RAB37: variants seen among roughly 807,000 people sequenced by gnomAD.
RAB37 encodes ras-related protein Rab-37.
A neutral mutation model predicts 33.1 loss-of-function variants in RAB37; 29 were observed. That is an observed-to-expected ratio of 0.88 (90% CI 0.65 to 1.20). The LOEUF (loss-of-function observed/expected upper bound fraction) is 1.20, where lower values mean the gene tolerates loss of function less well. Among genes scored for constraint, RAB37 ranks in the 50% most tolerant of loss-of-function variants. RAB37 has a pLI of 0.00. For missense variants in RAB37, 299 were observed against 301.1 expected (o/e 0.99, Z 0.05); for synonymous variants, 128 against 119.5 (o/e 1.07, Z -0.47).
At chr17:74,736,544 C>T (rs2034477224), upstream of RAB37, 2 of 1,467,934 alleles carry the variant, frequency 1.4e-6, no homozygotes, top group East Asian at 5.0e-5. Context: ...ATAAGGCCGG[C>T]CCCGCCTTCA....
intron 1 of RAB37, among the ~76,000 whole-genome samples, chr17:74,714,535 C>T (rs1243950333): frequency 6.6e-6 from 1 of 152,132 alleles, no homozygotes; most frequent in Non-Finnish European, 1.5e-5. Flanking sequence ...GAAGCTCCTA[C>T]TGCTGTACCC....
intron 1 of RAB37, among the ~76,000 whole-genome samples, chr17:74,722,992 C>T (rs1414755106): frequency 6.6e-6 from 1 of 152,200 alleles, no homozygotes; most frequent in Non-Finnish European, 1.5e-5. Flanking sequence ...ACTTAGACAG[C>T]ATTAGCCTGG....
chr17:74,728,186 GTC>G (rs1222193862), intron 1 of RAB37, among the ~76,000 whole-genome samples: 1 of 151,748 alleles, frequency 6.6e-6, no homozygotes, highest in East Asian at 1.9e-4. Flanking sequence ...GTATATGCAT[GTC>G]TGTGCGAATG....
rs113676367 is a variant in RAB37, at chr17:74,720,867, G to A, written c.73-8389G>A. Among the ~76,000 whole-genome samples, 324 of 152,238 alleles carry A rather than the reference G, an allele frequency of 2.1e-3. 1 individual carries two copies. The highest frequency in any genetic ancestry group is 0.01 in the Middle Eastern group (3 of 294). On this transcript the variant is annotated intron_variant, in intron 1 of 7. Coordinates refer to the RAB37 transcript ENST00000340415. ...GATGAATGCGGAGATTTTATTAAGC[G>A]GTGGAAGTGGCTCTCAGTGGAAGGG...
intron 1 of RAB37, chr17:74,703,260 G>C: frequency 1.3e-6 from 1 of 750,324 alleles, no homozygotes; most frequent in Non-Finnish European, 2.2e-6. Flanking sequence ...ACTATGGGAA[G>C]GGGCTGCAGC....
chr17:74,720,391 C>T (rs149790626), intron 1 of RAB37, among the ~76,000 whole-genome samples: 1,949 of 152,088 alleles, frequency 0.013, 20 homozygotes, highest in South Asian at 0.022. Flanking sequence ...TCAAGACCAA[C>T]GTGGCCAACA....
At chr17:74,692,352 G>C (rs1335503926) in intron 1 of RAB37, among the ~76,000 whole-genome samples, 1 of 151,892 alleles carries the variant, frequency 6.6e-6, no homozygotes, top group Non-Finnish European at 1.5e-5. Context: ...GCTTGCTTGG[G>C]CTCCATGAAG....
chr17:74,694,934 G>A, intron 1 of RAB37: 2 of 683,252 alleles, frequency 2.9e-6, no homozygotes, highest in Non-Finnish European at 4.7e-6. Flanking sequence ...AGCCCCCTGA[G>A]ACTTGGCCCC....
At chr17:74,700,794 G>C (rs991281390) in intron 1 of RAB37, among the ~76,000 whole-genome samples, 1 of 152,064 alleles carries the variant, frequency 6.6e-6, no homozygotes, top group Non-Finnish European at 1.5e-5. Context: ...GGCTGGGCTG[G>C]ATTGTACACC....
rs2031704787 is a variant in RAB37 at position 74,671,528 on chromosome 17, T to C, written c.-59T>C. On this transcript the variant is annotated 5_prime_UTR_variant, in exon 1 of 8. Transcript: ENST00000340415. The surrounding 1 kb of genome is among the most constrained non-coding windows in gnomAD (Gnocchi z 5.0). ...GCACCCAGCGGAGCTCGAACCGAGC[T>C]CCTGGAAGCGCTGACGCAGAGCGCA... 8 of 1,559,176 alleles carry C rather than the reference T, an allele frequency of 5.1e-6. No homozygotes were observed. Among genetic ancestry groups the C allele is most frequent in the Non-Finnish European group, 7.1e-6 (8 of 1,132,506 alleles).
At chr17:74,731,438 T>A (rs1428926934) in intron 2 of RAB37, among the ~76,000 whole-genome samples, 1 of 152,170 alleles carries the variant, frequency 6.6e-6, no homozygotes, top group East Asian at 1.9e-4. Flanking sequence ...CCTTCACCCA[T>A]AAACTACCAG....
intron 1 of RAB37, chr17:74,696,250 G>T (rs1348265780): frequency 1.3e-6 from 2 of 1,594,476 alleles, no homozygotes; most frequent in Non-Finnish European, 1.7e-6. Context: ...GAATTAGAAA[G>T]CCCATTCCCC....
At position 74,738,320 on chromosome 17, in the gene RAB37, C is replaced by G. The variant is rs145605449; in HGVS notation, c.93+955C>G. On this transcript the variant is annotated intron_variant, in intron 1 of 8. Transcript: ENST00000392613. The surrounding 1 kb of genome is among the most constrained non-coding windows in gnomAD (Gnocchi z 5.0). ...AGCCTCAGCCTCCACCCCAGTGTTT[C>G]GGGGGAAGCCACCCTGCAAGTCATC... Among the ~76,000 whole-genome samples, 106 of 152,268 alleles carry G rather than the reference C, an allele frequency of 7.0e-4. No individual in the cohort carries two copies. The highest frequency in any genetic ancestry group is 2.5e-3 in the African/African-American group (104 of 41,558).
At chr17:74,704,994 A>G (rs2033391760) in intron 1 of RAB37, among the ~76,000 whole-genome samples, 1 of 152,236 alleles carries the variant, frequency 6.6e-6, no homozygotes, top group Non-Finnish European at 1.5e-5. Flanking sequence ...CAAAGCCACC[A>G]GGAAAATCAC....
intron 1 of RAB37, chr17:74,695,829 A>G (rs1175100272): frequency 6.2e-7 from 1 of 1,614,062 alleles, no homozygotes; most frequent in Admixed American, 1.7e-5. Flanking sequence ...AGGTCTGCAT[A>G]GCAGAGGTCG....
intron 1 of RAB37, among the ~76,000 whole-genome samples, chr17:74,723,586 T>C (rs2034269020): frequency 1.3e-5 from 2 of 150,078 alleles, no homozygotes; most frequent in Admixed American, 1.3e-4. Context: ...TTTTTTTTTT[T>C]TTTTTTTTTT....
In RAB37 at chr17:74,742,341, C is replaced by A; in HGVS notation, c.246+46C>A. Reference sequence around the variant, plus strand: ...TGGGGAGGGAGGATGGAGGACCTGCCCTTCCTTCTCACCCTGAACCACAGG... The same window carrying A: ...TGGGGAGGGAGGATGGAGGACCTGCACTTCCTTCTCACCCTGAACCACAGG... On this transcript the variant is annotated intron_variant, in intron 3 of 8. Coordinates refer to ENST00000392613, the MANE Select transcript of RAB37 (RefSeq NM_001006638.3). The surrounding 1 kb of genome is among the most constrained non-coding windows in gnomAD (Gnocchi z 4.0). 6.7e-7 allele frequency: 1 copy of A among 1,502,108 alleles called. No individual in the cohort carries two copies. Among genetic ancestry groups the A allele is most frequent in the Non-Finnish European group, 9.2e-7 (1 of 1,085,210 alleles). The allele number at this position is 1,502,108 out of a possible 1,614,324, so 93.0% of individuals were successfully genotyped here. A position where few individuals can be genotyped will look rare whatever the true frequency, so the allele number is the denominator to read the frequency against.
At chr17:74,685,060 C>A (rs2032027669) in intron 1 of RAB37, among the ~76,000 whole-genome samples, 1 of 150,320 alleles carries the variant, frequency 6.7e-6, no homozygotes, top group Non-Finnish European at 1.5e-5. Flanking sequence ...GAAAATGACA[C>A]ATGTACCTAC....
At position 74,744,449 on chromosome 17, in the gene RAB37, C is replaced by A; in HGVS notation, c.432+76C>A. 7.2e-7 allele frequency: 1 copy of A among 1,386,758 alleles called. No individual in the cohort carries two copies. Among genetic ancestry groups the A allele is most frequent in the Non-Finnish European group, 1.0e-6 (1 of 974,180 alleles). 85.9% of individuals were successfully genotyped at this position (1,386,758 alleles called of 1,614,324 possible). ...AGCCGGCCCCATAACCACCCAAGAA[C>A]AGTTATCTAGGCATCCTTCCTGAAA... On this transcript the variant is annotated intron_variant, in intron 6 of 8. Coordinates refer to ENST00000392613, the MANE Select transcript of RAB37 (RefSeq NM_001006638.3). The surrounding 1 kb of genome is among the most constrained non-coding windows in gnomAD (Gnocchi z 4.2).
Sources: allele counts gnomAD v4.1 joint callset (sites outside exome capture counted in the v4.1 genomes callset), GRCh38; gene constraint gnomAD v4.1.1; non-coding constraint Gnocchi (gnomAD v3.1); transcripts MANE v1.5; gene names NCBI Gene and HGNC (gene_info 2026-07-23, HGNC 2026-07-21).